Variants in SHQ1 observed in about 807,000 individuals in gnomAD.
SHQ1 encodes the protein protein SHQ1 homolog.
In SHQ1, 49 loss-of-function variants were observed where a neutral mutation model predicts 53.8. That is an observed-to-expected ratio of 0.91 (90% CI 0.72 to 1.16). The LOEUF (loss-of-function observed/expected upper bound fraction) is 1.16. Ranked by LOEUF, SHQ1 falls within the 50% of genes most tolerant of loss-of-function variation. The probability of loss-of-function intolerance (pLI) is 0.00; values close to 1 mark genes in which losing one functional copy is unlikely to be tolerated. For missense variants in SHQ1, 738 were observed against 683.1 expected (o/e 1.08, Z -0.90); for synonymous variants, 243 against 251.0 (o/e 0.97, Z 0.30).
chr3:72,773,376 T>C (rs1000230401), intron 10 of SHQ1: 15 of 493,992 alleles, frequency 3.0e-5, no homozygotes, highest in African/African-American at 2.6e-4. Context: ...GATGACACAG[T>C]ACATCCCTCA....
intron 10 of SHQ1, among the ~76,000 whole-genome samples, chr3:72,754,332 C>T (rs966176530): frequency 2.6e-5 from 4 of 151,964 alleles, no homozygotes; most frequent in African/African-American, 9.7e-5. Flanking sequence ...ACCAAAGGGC[C>T]TCCCATGAAT....
the SHQ1 span, among the ~76,000 whole-genome samples, chr3:72,742,402 C>G: frequency 3.3e-5 from 5 of 151,862 alleles, no homozygotes; most frequent in African/African-American, 1.2e-4. Flanking sequence ...GGAATAAATG[C>G]AGTTATGAGT....
chr3:72,756,460 A>G (rs767611810), intron 10 of SHQ1, among the ~76,000 whole-genome samples: 29 of 151,978 alleles, frequency 1.9e-4, no homozygotes, highest in Admixed American at 3.9e-4. Flanking sequence ...TATTTTTAGT[A>G]GAGATGGGGT....
intron 10 of SHQ1, among the ~76,000 whole-genome samples, chr3:72,778,516 C>A (rs1706005359): frequency 6.6e-6 from 1 of 151,684 alleles, no homozygotes; most frequent in African/African-American, 2.4e-5. Context: ...ATATTCAGTT[C>A]ATTACTATTC....
intron 10 of SHQ1, among the ~76,000 whole-genome samples, chr3:72,766,320 T>C (rs1383919357): frequency 1.3e-5 from 2 of 152,154 alleles, no homozygotes; most frequent in Admixed American, 1.3e-4. Context: ...CTCCAGATCA[T>C]GTATCCATCT....
chr3:72,758,939 T>C (rs1049228854), intron 10 of SHQ1, among the ~76,000 whole-genome samples: 1 of 152,216 alleles, frequency 6.6e-6, no homozygotes, highest in Non-Finnish European at 1.5e-5. Flanking sequence ...ATCCCTTCCA[T>C]GCCCTTCTCT....
At chr3:72,755,299 G>GA (rs1421671358) in intron 10 of SHQ1, among the ~76,000 whole-genome samples, 1 of 151,744 alleles carries the variant, frequency 6.6e-6, no homozygotes, top group African/African-American at 2.4e-5. Context: ...TGGATGGATG[G>GA]ATAGATGGAT....
rs182287343 is a variant in SHQ1, at chr3:72,797,798, C to T, written c.1061-4762G>A. Among the ~76,000 whole-genome samples the T allele has an allele frequency of 6.2e-4, 95 of 152,306 alleles. 3 individuals carry two copies. The Middle Eastern group carries it at 0.014, about 22-fold the overall frequency. On this transcript the variant is annotated intron_variant, in intron 9 of 10. Coordinates refer to ENST00000325599, the MANE Select transcript of SHQ1 (RefSeq NM_018130.3). ...CTCCTCCCAACAATATGCATTGTTACTCTGAGGTCGTACTTGATCTCTTTT... is the reference window on the plus strand; with the variant it reads ...CTCCTCCCAACAATATGCATTGTTATTCTGAGGTCGTACTTGATCTCTTTT...
the SHQ1 span, among the ~76,000 whole-genome samples, chr3:72,738,963 CGGCTCCGGGGAGAGCTGGGT>C: frequency 6.6e-6 from 1 of 152,332 alleles, no homozygotes; most frequent in African/African-American, 2.4e-5. Flanking sequence ...AGGCCCTGCG[CGGCTCCGGGGAGAGCTGGGT>C]GGTTATGCCA....
At chr3:72,780,604 T>C (rs1162833321) in intron 10 of SHQ1, among the ~76,000 whole-genome samples, 1 of 152,230 alleles carries the variant, frequency 6.6e-6, no homozygotes, top group Non-Finnish European at 1.5e-5. Flanking sequence ...TTTGGGTTCT[T>C]AAGGTGTCAA....
intron 5 of SHQ1, among the ~76,000 whole-genome samples, chr3:72,826,706 G>C (rs1707667715): frequency 6.6e-6 from 1 of 152,194 alleles, no homozygotes; most frequent in Non-Finnish European, 1.5e-5. Context: ...GAATGATAAT[G>C]AACAGTTAAC....
intron 9 of SHQ1, 191 bp from the exon 10 acceptor site, chr3:72,793,227 G>T (rs892571892): frequency 6.5e-6 from 3 of 463,246 alleles, no homozygotes; most frequent in Non-Finnish European, 3.8e-6. Flanking sequence ...ACAATCTTTG[G>T]CCAGGCACAG....
chr3:72,776,699 A>C (rs1043423921), intron 10 of SHQ1, among the ~76,000 whole-genome samples: 1 of 152,228 alleles, frequency 6.6e-6, no homozygotes, highest in Non-Finnish European at 1.5e-5. Flanking sequence ...AGAGAGTCAT[A>C]CCATATTATT....
intron 4 of SHQ1, 79 bp downstream of exon 4, chr3:72,840,966 C>G (rs1708162269): frequency 3.4e-6 from 5 of 1,468,126 alleles, no homozygotes; most frequent in Admixed American, 2.3e-5. Flanking sequence ...TAAAAACTAC[C>G]AAGTGTAAGC....
chr3:72,750,458 G>A lies in SHQ1; in HGVS notation c.1560C>T (p.Ala520=), dbSNP rs1038031027. The A allele has an allele frequency of 1.9e-6, 3 of 1,613,994 alleles. No homozygotes were observed. Among genetic ancestry groups the A allele is most frequent in the Non-Finnish European group, 2.5e-6 (3 of 1,180,042 alleles). Residue 520 remains alanine (A), a synonymous_variant, in exon 11 of 11, where the codon GCC becomes GCT. Transcript: ENST00000325599. ...RRNTAIQESD[A]SQGKPLASSW... is the part of the protein sequence containing the mutation. ...AAGAGGCAAGTGGCTTTCCCTGACT[G>A]GCATCAGACTCCTGGATGGCTGTGT...
chr3:72,775,677 T>G (rs754688738), intron 10 of SHQ1, among the ~76,000 whole-genome samples: 7 of 152,094 alleles, frequency 4.6e-5, no homozygotes, highest in Admixed American at 2.0e-4. Context: ...AAATCCAGCA[T>G]CATGTTTAAA....
intron 1 of SHQ1, among the ~76,000 whole-genome samples, chr3:72,844,973 G>A (rs909760073): frequency 3.3e-5 from 5 of 152,138 alleles, no homozygotes; most frequent in Non-Finnish European, 7.4e-5. Flanking sequence ...ATCTCATTAT[G>A]TATGCAAAAA....
chr3:72,730,670 G>A, the SHQ1 span, among the ~76,000 whole-genome samples: 1 of 152,096 alleles, frequency 6.6e-6, no homozygotes. Context: ...TACAAATAAT[G>A]CCTATTATTT....
intron 10 of SHQ1, among the ~76,000 whole-genome samples, chr3:72,762,715 C>A (rs559916393): frequency 1.3e-5 from 2 of 152,124 alleles, no homozygotes; most frequent in Admixed American, 6.6e-5. Context: ...CGCTCTGTCA[C>A]CCAGGCTGGA....
Sources: gnomAD v4.1 joint callset for allele counts (sites outside exome capture counted in the v4.1 genomes callset) on GRCh38, gnomAD v4.1.1 for gene constraint, MANE v1.5 for transcripts, NCBI Gene and HGNC (gene_info 2026-07-23, HGNC 2026-07-21) for gene names.